Variants in PMM2 observed in about 807,000 individuals in gnomAD.
The protein encoded by PMM2 is mannose-6-phosphate isomerase.
In PMM2, 35 loss-of-function variants were observed where a neutral mutation model predicts 33.2. The ratio of observed to expected loss-of-function variants is 1.06; its 90% CI spans 0.81 to 1.40. The LOEUF (loss-of-function observed/expected upper bound fraction) is 1.40. Ranked by LOEUF, PMM2 falls within the 40% of genes most tolerant of loss-of-function variation. The pLI is 0.00. For synonymous variants in PMM2, 153 were observed against 114.7 expected, an observed-to-expected ratio of 1.33 and a Z score of -2.13; for missense variants, 386 against 306.0, an observed-to-expected ratio of 1.26 and a Z score of -1.95.
At chr16:8,822,640 T>G (rs1687553655) in intron 7 of PMM2, among the ~76,000 whole-genome samples, 1 of 152,196 alleles carries the variant, frequency 6.6e-6, no homozygotes, top group Non-Finnish European at 1.5e-5. Flanking sequence ...CCTGTTGGGT[T>G]TTATAATACC....
At chr16:8,820,350 TCTTTTTTTTTTTTTTTTTC>T (rs1399468167) in intron 7 of PMM2, among the ~76,000 whole-genome samples, 2 of 144,114 alleles carry the variant, frequency 1.4e-5, no homozygotes, top group Non-Finnish European at 3.0e-5. Flanking sequence ...ACACAGTTCT[TCTTTTTTTTTTTTTTTTTC>T]CTGAGACAAG....
At chr16:8,807,604 C>G (rs905872608) in intron 4 of PMM2, 4 of 152,554 alleles carry the variant, frequency 2.6e-5, no homozygotes, top group African/African-American at 9.7e-5. Context: ...AAGTGATCCT[C>G]CTACCTCAGC....
intron 7 of PMM2, among the ~76,000 whole-genome samples, chr16:8,837,021 C>T (rs1353243085): frequency 6.6e-6 from 1 of 151,810 alleles, no homozygotes; most frequent in Non-Finnish European, 1.5e-5. Context: ...GGTGGAGGAG[C>T]GGAGGCTGAG....
chr16:8,806,025 G>A (rs2141019863), intron 3 of PMM2, among the ~76,000 whole-genome samples: 1 of 152,314 alleles, frequency 6.6e-6, no homozygotes, highest in South Asian at 2.1e-4. Flanking sequence ...GAATAAAAGT[G>A]GCAGCAGTAA....
intron 3 of PMM2, 150 bp downstream of exon 3, chr16:8,804,993 A>G (rs1596485874): frequency 1.6e-6 from 1 of 642,942 alleles, no homozygotes; most frequent in Non-Finnish European, 2.8e-6. Flanking sequence ...CCATGTGACT[A>G]TTACATATTC....
chr16:8,833,430 G>A (rs1303394291), intron 7 of PMM2, among the ~76,000 whole-genome samples: 1 of 152,174 alleles, frequency 6.6e-6, no homozygotes, highest in Non-Finnish European at 1.5e-5. Context: ...GCAAGTCACA[G>A]GGGATGCGAT....
At chr16:8,843,903 A>T (rs549609665) in intron 7 of PMM2, among the ~76,000 whole-genome samples, 2 of 152,246 alleles carry the variant, frequency 1.3e-5, no homozygotes, top group East Asian at 3.9e-4. Context: ...TAGAAAAGGA[A>T]GATTAGAAAG....
At chr16:8,828,871 G>A (rs545632002) in intron 7 of PMM2, among the ~76,000 whole-genome samples, 56 of 152,302 alleles carry the variant, frequency 3.7e-4, no homozygotes, top group African/African-American at 1.3e-3. Context: ...AGAAAGGTGT[G>A]TCGTATTAAT....
intron 7 of PMM2, among the ~76,000 whole-genome samples, chr16:8,843,159 T>C (rs1336101169): frequency 6.6e-6 from 1 of 152,066 alleles, no homozygotes; most frequent in Non-Finnish European, 1.5e-5. Flanking sequence ...TTAAGAGGTT[T>C]AGAAGCCTGG....
Position 8,848,197 on chromosome 16 carries a change from G to A in PMM2, c.*372G>A, listed in dbSNP as rs544335014. 3 of 254,726 alleles carry A rather than the reference G, an allele frequency of 1.2e-5. No homozygotes were observed. Among genetic ancestry groups the A allele is most frequent in the East Asian group, 9.7e-5 (1 of 10,274 alleles). 15.8% of individuals were successfully genotyped at this position (254,726 alleles called of 1,614,324 possible). A position where few individuals can be genotyped will look rare whatever the true frequency, so the allele number is the denominator to read the frequency against. On this transcript the variant is annotated 3_prime_UTR_variant, in exon 8 of 8. Transcript: ENST00000268261. ...GGACCCTCCCTCTTGGTGGGTCTGT[G>A]GAAACATAAGCGGTTTTTTTAATGG...
chr16:8,843,994 C>G (rs1010600928), intron 7 of PMM2, among the ~76,000 whole-genome samples: 2 of 152,072 alleles, frequency 1.3e-5, no homozygotes, highest in African/African-American at 4.8e-5. Flanking sequence ...GCACTGGGCA[C>G]AGAGACTAGG....
intron 6 of PMM2, 136 bp from the exon 7 acceptor site, chr16:8,812,855 A>C (rs1185705625): frequency 1.4e-6 from 1 of 707,764 alleles, no homozygotes; most frequent in South Asian, 1.5e-5. Flanking sequence ...GAAGTAGTCT[A>C]AGTAGCAAAC....
chr16:8,834,218 T>C (rs1269259719), intron 7 of PMM2, among the ~76,000 whole-genome samples: 4 of 152,178 alleles, frequency 2.6e-5, no homozygotes, highest in African/African-American at 4.8e-5. Flanking sequence ...GAGGCTGAGC[T>C]TGGTGAGGTG....
intron 7 of PMM2, among the ~76,000 whole-genome samples, chr16:8,824,623 A>G (rs760652640): frequency 6.6e-6 from 1 of 152,166 alleles, no homozygotes; most frequent in Admixed American, 6.5e-5. Flanking sequence ...AATACACCAA[A>G]TAAGCCAAAT....
rs557425679 is a variant in PMM2, at chr16:8,804,490, TACAG to T, written c.179-272_179-269del. On this transcript the variant is annotated intron_variant, in intron 2 of 7. Transcript: ENST00000268261. ...AGCATCATGGACGAGTATCTTCCTC[TACAG>T]ACAGTCAGGCTGAAGTCAGGGACAT... is the stretch of plus-strand genomic sequence containing the variant. Among the ~76,000 whole-genome samples, 45 of 152,260 alleles carry T rather than the reference TACAG, an allele frequency of 3.0e-4. 2 individuals carry two copies. The East Asian group carries it at 8.3e-3, about 28-fold the overall frequency.
At chr16:8,808,364 G>A (rs2060658251) in intron 4 of PMM2, 1 of 151,580 alleles carries the variant, frequency 6.6e-6, no homozygotes, top group African/African-American at 2.4e-5. Flanking sequence ...GAGCACTAAG[G>A]GAGGATTTAA....
At chr16:8,817,217 A>G (rs1529913) in intron 7 of PMM2, among the ~76,000 whole-genome samples, 128,294 of 152,270 alleles carry the variant, frequency 0.84, 55,405 homozygotes, top group East Asian at 0.97. Context: ...GTTCTTAATG[A>G]CAGTTACATA....
chr16:8,797,949 G>T lies in PMM2; in HGVS notation c.66+1G>T, dbSNP rs937726878. 1.1e-5 allele frequency: 17 copies of T among 1,601,590 alleles called. No homozygotes were observed. The highest frequency in any genetic ancestry group is 1.4e-5 in the Non-Finnish European group (16 of 1,175,090). On this transcript the variant is annotated splice_donor_variant, in intron 1 of 7. Transcript: ENST00000268261. LOFTEE classifies it high-confidence loss of function. ...TGGGACCCTCACCGCCCCGCGGCAG[G>T]TAAGTGGCGGCCGGCGGGCTGCTGG...
rs2060674086 is a variant in PMM2 at position 8,811,011 on chromosome 16, CT to C, written c.348-67del. Reference sequence around the variant, plus strand: ...TTTTAGAATTTCCCAAGATTTTAGGCTGTTTATCTATGTTGCCCAAATGAAT... The same window carrying C: ...TTTTAGAATTTCCCAAGATTTTAGGCGTTTATCTATGTTGCCCAAATGAAT... On this transcript the variant is annotated intron_variant, in intron 4 of 7. Coordinates refer to ENST00000268261, the MANE Select transcript of PMM2 (RefSeq NM_000303.3). The C allele has an allele frequency of 6.2e-6, 5 of 800,586 alleles. No individual in the cohort carries two copies. The Admixed American group carries it at 1.2e-4, about 19-fold the overall frequency. 49.6% of individuals were successfully genotyped at this position (800,586 alleles called of 1,614,324 possible).
Sources: allele counts gnomAD v4.1 joint callset (sites outside exome capture counted in the v4.1 genomes callset), GRCh38; gene constraint gnomAD v4.1.1; transcripts MANE v1.5; gene names NCBI Gene and HGNC (gene_info 2026-07-23, HGNC 2026-07-21).